IQCE: variants seen among roughly 807,000 people sequenced by gnomAD.
IQCE encodes the protein IQ domain-containing protein E.
IQCE carries 115 observed loss-of-function variants against 96.0 expected under a neutral mutation model. The observed-to-expected ratio is 1.20, with a 90% confidence interval of 1.03 to 1.40. The LOEUF is 1.40. IQCE is among the 40% of genes most tolerant of loss of function. The pLI, the probability that IQCE is intolerant of heterozygous loss-of-function variation, is 0.00. For missense variants in IQCE, 1,041 were observed against 909.1 expected, an observed-to-expected ratio of 1.15 and a Z score of -1.87; for synonymous variants, 412 against 371.2, an observed-to-expected ratio of 1.11 and a Z score of -1.26.
At position 2,582,629 on chromosome 7, in the gene IQCE, A is replaced by G; in HGVS notation, c.680A>G (p.Lys227Arg). 6.2e-7 allele frequency: 1 copy of G among 1,613,982 alleles called. No individual in the cohort carries two copies. Among genetic ancestry groups the G allele is most frequent in the Non-Finnish European group, 8.5e-7 (1 of 1,179,962 alleles). The change falls in exon 9 of 22, where the codon AAG (lysine) becomes AGG (arginine). Residue 227 changes from lysine to arginine, a missense_variant. Lys to Arg is a conservative substitution (Grantham distance 26, BLOSUM62 2). Transcript: ENST00000402050. Reference protein sequence around the residue: ...QRILKLEQQCKEKDGTISKLQ... With the variant: ...QRILKLEQQCREKDGTISKLQ... ...ATCCTGAAGCTGGAACAGCAGTGCA[A>G]GGAGAAGGACGGCACCATCAGGTGG...
chr7:2,605,783 C>T (rs1456982286), intron 19 of IQCE, 93 bp from the exon 20 acceptor site: 5 of 1,311,548 alleles, frequency 3.8e-6, no homozygotes, highest in Non-Finnish European at 5.0e-6. Flanking sequence ...CTCTTCCTGT[C>T]TCCCTGACGC....
intron 14 of IQCE, among the ~76,000 whole-genome samples, chr7:2,591,415 G>A (rs193261955): frequency 4.8e-4 from 73 of 152,080 alleles, no homozygotes; most frequent in African/African-American, 1.6e-3. Flanking sequence ...CTCAGGGCTC[G>A]GCTCCTTCAT....
At chr7:2,605,036 G>C (rs959315691) in intron 19 of IQCE, 45 bp downstream of exon 19, 8 of 1,346,542 alleles carry the variant, frequency 5.9e-6, no homozygotes, top group Admixed American at 1.7e-5. Context: ...CTGCAGAGCT[G>C]CTCGTCTCGC....
chr7:2,582,393 G>GTC lies in IQCE; in HGVS notation c.631-187_631-186insTC, dbSNP rs545969079. Among the ~76,000 whole-genome samples the GTC allele has an allele frequency of 1.5e-4, 23 of 152,326 alleles. No homozygotes were observed. The East Asian group carries it at 4.4e-3, about 29-fold the overall frequency. On this transcript the variant is annotated intron_variant, in intron 8 of 21. Coordinates refer to ENST00000402050, the MANE Select transcript of IQCE (RefSeq NM_152558.5). ...GTGTCGCACCCCTGCCATTCACCCA[G>GTC]CCTTACTCAGGGACAGGACAGCACA...
At position 2,577,817 on chromosome 7, in the gene IQCE, C is replaced by T. The variant is rs1358346910; in HGVS notation, c.466-425C>T. ...ATTGGCGTGTGCGTGGCTGTGCGCG[C>T]GGGGACGTGTGTGCGGCGTGCGCGC... On this transcript the variant is annotated intron_variant, in intron 6 of 21. Coordinates refer to ENST00000402050, the MANE Select transcript of IQCE (RefSeq NM_152558.5). Among the ~76,000 whole-genome samples the T allele has an allele frequency of 4.5e-5, 6 of 133,128 alleles. No individual in the cohort carries two copies. The South Asian group carries it at 7.0e-4, about 15-fold the overall frequency. 87.3% of individuals were successfully genotyped at this position (133,128 alleles called of 152,430 possible). A position where few individuals can be genotyped will look rare whatever the true frequency, so the allele number is the denominator to read the frequency against.
intron 3 of IQCE, among the ~76,000 whole-genome samples, chr7:2,570,887 A>C (rs1054487950): frequency 2.0e-5 from 3 of 152,214 alleles, no homozygotes; most frequent in African/African-American, 7.2e-5. Flanking sequence ...TGACATGTTA[A>C]AAAGGCACAA....
At chr7:2,609,839 G>A (rs1156430020) in intron 21 of IQCE, among the ~76,000 whole-genome samples, 2 of 152,178 alleles carry the variant, frequency 1.3e-5, no homozygotes, top group Non-Finnish European at 2.9e-5. Flanking sequence ...TGGCAGGTGT[G>A]TGAGTTGGTC....
In IQCE at chr7:2,567,263, G is replaced by T. The variant is rs555001863; in HGVS notation, c.84+100G>T. 140 of 922,220 alleles carry T rather than the reference G, an allele frequency of 1.5e-4. No individual in the cohort carries two copies. In the African/African-American group the frequency reaches 2.1e-3, roughly 14 times the overall value. 57.1% of individuals were successfully genotyped at this position (922,220 alleles called of 1,614,324 possible). ...AAAATAGGCCGTTCTCCACAATACT[G>T]TGTCGAGAGCTGGAATGCATATTCC... On this transcript the variant is annotated intron_variant, in intron 2 of 21. Coordinates refer to ENST00000402050, the MANE Select transcript of IQCE (RefSeq NM_152558.5).
intron 21 of IQCE, among the ~76,000 whole-genome samples, chr7:2,609,412 TG>T (rs1262298410): frequency 2.0e-5 from 3 of 151,196 alleles, no homozygotes; most frequent in Admixed American, 6.6e-5. Flanking sequence ...TCCAGAGTCC[TG>T]GGGTTACAGG....
chr7:2,564,542 G>T, intron 1 of IQCE, among the ~76,000 whole-genome samples: 1 of 151,984 alleles, frequency 6.6e-6, no homozygotes, highest in Non-Finnish European at 1.5e-5. Context: ...AGGTGGCAGT[G>T]AGCCGAGATT....
At chr7:2,601,176 G>A (rs550927775) in intron 17 of IQCE, among the ~76,000 whole-genome samples, 4 of 152,332 alleles carry the variant, frequency 2.6e-5, no homozygotes, top group Non-Finnish European at 4.4e-5. Context: ...ACTGGCACAC[G>A]GCACAGAGAC....
In IQCE at chr7:2,605,964, C is replaced by T. The variant is rs1370900923; in HGVS notation, c.1832C>T (p.Ala611Val). 1.9e-6 allele frequency: 3 copies of T among 1,610,662 alleles called. No individual in the cohort carries two copies. The highest frequency in any genetic ancestry group is 2.5e-6 in the Non-Finnish European group (3 of 1,179,042). Residue 611 changes from alanine to valine, a missense_variant, in exon 20 of 22, where the codon GCT becomes GTT. By Grantham distance (64) the Ala-to-Val change is moderately conservative. Transcript: ENST00000402050. The stretch of plus-strand genomic sequence containing the variant: ...GAGGCCATCGTCATCATCCAGTCCG[C>T]TCTGCGGGCACACCTGGCCCGGGCC... ...QEEAIVIIQSALRAHLARARH... is the reference protein window; with the variant it reads ...QEEAIVIIQSVLRAHLARARH...
At chr7:2,577,786 A>G (rs1337797410) in intron 6 of IQCE, among the ~76,000 whole-genome samples, 188 of 35,334 alleles carry the variant, frequency 5.3e-3, no homozygotes, top group Middle Eastern at 0.018. Flanking sequence ...TGTGCGGCGT[A>G]TACGCATTGG....
rs58362246 is a variant in IQCE at position 2,598,665 on chromosome 7, C to G, written c.1608+33C>G. 2.5e-3 allele frequency: 3,657 copies of G among 1,459,716 alleles called. 69 individuals carry two copies. The African/African-American group carries it at 0.048, about 19-fold the overall frequency. The allele number at this position is 1,459,716 out of a possible 1,614,324, so 90.4% of individuals were successfully genotyped here. ...TCCCCGGGGCGACCCGGGCTGCTCC[C>G]TGTGAGTCTTCGTGCTCCAAGGCAA... On this transcript the variant is annotated intron_variant, in intron 17 of 21. Transcript: ENST00000402050.
intron 15 of IQCE, 83 bp downstream of exon 15, chr7:2,593,209 C>G (rs1257446238): frequency 1.3e-6 from 2 of 1,493,248 alleles, no homozygotes; most frequent in Non-Finnish European, 1.8e-6. Context: ...GGCGTCTCAG[C>G]CTTGCTGCCA....
At chr7:2,589,589 A>T (rs1274015072) in intron 13 of IQCE, among the ~76,000 whole-genome samples, 1 of 152,068 alleles carries the variant, frequency 6.6e-6, no homozygotes, top group Non-Finnish European at 1.5e-5. Context: ...GTTCCAGGGG[A>T]CAGGAGGGAA....
intron 15 of IQCE, among the ~76,000 whole-genome samples, chr7:2,594,077 TG>T (rs1279451224): frequency 6.6e-6 from 1 of 152,012 alleles, no homozygotes; most frequent in Non-Finnish European, 1.5e-5. Flanking sequence ...CTGACCAACA[TG>T]GTGAAACCCC....
intron 6 of IQCE, among the ~76,000 whole-genome samples, chr7:2,576,519 C>T (rs1374343846): frequency 2.0e-5 from 3 of 152,040 alleles, no homozygotes; most frequent in Non-Finnish European, 4.4e-5. Context: ...CAAGCCTCAG[C>T]CTCCCAAGTA....
At chr7:2,572,099 G>C (rs1033765012) in intron 4 of IQCE, 93 bp from the exon 5 acceptor site, 1 of 1,366,824 alleles carries the variant, frequency 7.3e-7, no homozygotes, top group Non-Finnish European at 1.0e-6. Flanking sequence ...CAGTGATTCA[G>C]CTTTCTTCAA....
Sources: gnomAD v4.1 joint callset for allele counts (sites outside exome capture counted in the v4.1 genomes callset) on GRCh38, gnomAD v4.1.1 for gene constraint, MANE v1.5 for transcripts, NCBI Gene and HGNC (gene_info 2026-07-23, HGNC 2026-07-21) for gene names.